The following ZNF724 variants were observed in gnomAD, a reference collection of about 807,000 sequenced individuals.
The protein encoded by ZNF724 is zinc finger protein 724 pseudogene.
In ZNF724, 14 loss-of-function variants were observed where a neutral mutation model predicts 29.3. The observed-to-expected ratio is 0.48, with a 90% CI of 0.32 to 0.75. The LOEUF is 0.75. ZNF724 is among the 30% of genes least tolerant of loss of function. The pLI is 0.04. For synonymous variants in ZNF724, 180 were observed against 193.6 expected, an observed-to-expected ratio of 0.93 and a Z score of 0.58; for missense variants, 557 against 571.2, an observed-to-expected ratio of 0.98 and a Z score of 0.25.
chr19:23,238,547 G>T (rs778250006), intron 1 of ZNF724, among the ~76,000 whole-genome samples: 4 of 152,126 alleles, frequency 2.6e-5, no homozygotes, highest in African/African-American at 7.2e-5. Context: ...AAAGAGAGAT[G>T]AACAAAATAT....
At chr19:23,244,073 AAAATT>A (rs1972191014) in intron 1 of ZNF724, among the ~76,000 whole-genome samples, 1 of 151,616 alleles carries the variant, frequency 6.6e-6, no homozygotes, top group Admixed American at 6.6e-5. Flanking sequence ...CCTCTGAACT[AAAATT>A]AAAAGTTGAA....
intron 1 of ZNF724, among the ~76,000 whole-genome samples, chr19:23,238,224 A>T (rs553605322): frequency 6.6e-6 from 1 of 152,180 alleles, no homozygotes; most frequent in South Asian, 2.1e-4. Flanking sequence ...AATTAGCCGC[A>T]TGTGGTGGTG....
intron 1 of ZNF724, among the ~76,000 whole-genome samples, chr19:23,238,632 C>T (rs1016403099): frequency 2.0e-5 from 3 of 152,036 alleles, no homozygotes; most frequent in Admixed American, 6.6e-5. Flanking sequence ...AGCCAAATCT[C>T]GACCAGGCAT....
chr19:23,226,351 C>T (rs1420136968), intron 3 of ZNF724, among the ~76,000 whole-genome samples: 5 of 151,616 alleles, frequency 3.3e-5, no homozygotes, highest in African/African-American at 7.3e-5. Flanking sequence ...ACGCCCAGCC[C>T]GAGAGAGGGT....
At chr19:23,231,071 C>CG (rs1294170966) in intron 3 of ZNF724, 195 bp downstream of exon 3, 1 of 342,410 alleles carries the variant, frequency 2.9e-6, no homozygotes, top group Non-Finnish European at 5.3e-6. Flanking sequence ...TTAGTAAAGA[C>CG]GGGGTTTCTC....
chr19:23,227,342 G>A (rs182485027), intron 3 of ZNF724, among the ~76,000 whole-genome samples: 28 of 151,836 alleles, frequency 1.8e-4, no homozygotes, highest in African/African-American at 6.5e-4. Flanking sequence ...ATCACTTGAG[G>A]TCAGGAGTTC....
chr19:23,242,979 C>T (rs957894262), intron 1 of ZNF724, among the ~76,000 whole-genome samples: 8 of 136,838 alleles, frequency 5.8e-5, no homozygotes, highest in African/African-American at 2.2e-4. Flanking sequence ...GCGGAAGTTG[C>T]AGTGAGCCAA....
At chr19:23,230,023 AATTAATATACTCAGTAAATTAGCAAAAT>A (rs1451477753) in intron 3 of ZNF724, among the ~76,000 whole-genome samples, 2 of 152,218 alleles carry the variant, frequency 1.3e-5, no homozygotes, top group Non-Finnish European at 2.9e-5. Flanking sequence ...GGTCTAAACT[AATTAATATACTCAGTAAATTAGCAAAAT>A]ATAAAATTAA....
rs553816851 is a variant in ZNF724 at position 23,229,358 on chromosome 19, T to C, written c.226+1908A>G. On this transcript the variant is annotated intron_variant, in intron 3 of 3. Coordinates refer to ENST00000418100, the MANE Select transcript of ZNF724 (RefSeq NM_001355404.2). The stretch of plus-strand genomic sequence containing the variant: ...GGAGGAAGACACCCATTTATAGCCA[T>C]GCAGGCAGGTTTGCAAGACCTTAGC... Among the ~76,000 whole-genome samples, 149 of 152,302 alleles carry C rather than the reference T, an allele frequency of 9.8e-4. No individual in the cohort carries two copies. The Middle Eastern group carries it at 0.014, about 14-fold the overall frequency.
chr19:23,230,572 G>C (rs1460174622), intron 3 of ZNF724, among the ~76,000 whole-genome samples: 5 of 152,060 alleles, frequency 3.3e-5, no homozygotes. Context: ...ACATATTTCA[G>C]ACATGATGTA....
rs1599643192 is a variant in ZNF724, at chr19:23,236,171, A to C, written c.4-3878T>G. The C allele has an allele frequency of 2.0e-5, 3 of 152,302 alleles. No homozygotes were observed. The South Asian group carries it at 6.2e-4, about 32-fold the overall frequency. 9.4% of individuals were successfully genotyped at this position (152,302 alleles called of 1,614,324 possible). On this transcript the variant is annotated intron_variant, in intron 1 of 3. Transcript: ENST00000418100. ...GCAATCAATGGCTCTGTACTCCCTG[A>C]GCACTATACTCTGCTTGCCCTTTCC... is the stretch of plus-strand genomic sequence containing the variant.
intron 3 of ZNF724, 85 bp from the exon 4 acceptor site, chr19:23,224,103 A>C: frequency 1.8e-6 from 1 of 570,150 alleles, no homozygotes; most frequent in Non-Finnish European, 3.1e-6. Context: ...AAACTATACA[A>C]ACTACATAAA....
chr19:23,222,887 T>C lies in ZNF724; in HGVS notation c.1358A>G (p.Lys453Arg). 7.1e-7 allele frequency: 1 copy of C among 1,405,462 alleles called. No individual in the cohort carries two copies. The allele number at this position is 1,405,462 out of a possible 1,614,324, so 87.1% of individuals were successfully genotyped here. The change falls in exon 4 of 4, where the codon AAA becomes AGA. Residue 453 changes from lysine to arginine, a missense_variant. By Grantham distance (26) the Lys-to-Arg change is conservative. This residue lies in a region of ZNF724 where 170 missense variants were observed against 220.7 expected (regional missense o/e 0.77). Coordinates refer to ENST00000418100, the MANE Select transcript of ZNF724 (RefSeq NM_001355404.2). Reference protein sequence around the residue: ...IHTGEKPYKCKECGKAFKRSS... With the variant: ...IHTGEKPYKCRECGKAFKRSS... The stretch of plus-strand genomic sequence containing the variant: ...CCGCTTAAAAGCTTTGCCACATTCT[T>C]TACATTTGTAGGGTTTCTCTCCAGT...
intron 3 of ZNF724, 149 bp from the exon 4 acceptor site, chr19:23,224,167 G>C (rs761665877): frequency 4.6e-5 from 23 of 501,472 alleles, no homozygotes; most frequent in Non-Finnish European, 7.3e-5. Flanking sequence ...CTCCCAGCAC[G>C]TTGAAAGGCT....
At chr19:23,239,539 C>T (rs780407709) in intron 1 of ZNF724, among the ~76,000 whole-genome samples, 47 of 152,178 alleles carry the variant, frequency 3.1e-4, no homozygotes, top group Admixed American at 8.5e-4. Context: ...AACAAAGATA[C>T]ACAAACCAGA....
chr19:23,238,768 C>T (rs1202253867), intron 1 of ZNF724, among the ~76,000 whole-genome samples: 1 of 152,018 alleles, frequency 6.6e-6, no homozygotes, highest in Non-Finnish European at 1.5e-5. Flanking sequence ...ATTAGCCGGG[C>T]GTGGTGGCAT....
intron 1 of ZNF724, among the ~76,000 whole-genome samples, chr19:23,238,139 G>A (rs1363837823): frequency 6.6e-6 from 1 of 151,792 alleles, no homozygotes; most frequent in Admixed American, 6.6e-5. Flanking sequence ...GCCGAGGTGG[G>A]CGGATCACGA....
intron 3 of ZNF724, among the ~76,000 whole-genome samples, chr19:23,229,623 C>T (rs1971900186): frequency 6.6e-6 from 1 of 152,206 alleles, no homozygotes; most frequent in South Asian, 2.1e-4. Context: ...ATGCAAATTA[C>T]AACTACACAA....
In ZNF724 at chr19:23,226,728, T is replaced by C. The variant is rs142945560; in HGVS notation, c.227-2710A>G. On this transcript the variant is annotated intron_variant, in intron 3 of 3. Coordinates refer to ENST00000418100, the MANE Select transcript of ZNF724 (RefSeq NM_001355404.2). ...ACCACTGAAAACAGCTAAGAAAAAA[T>C]ATATACAAGATAGGCCATAACCATA... Among the ~76,000 whole-genome samples the C allele has an allele frequency of 2.7e-3, 411 of 151,970 alleles. 2 individuals carry two copies. The highest frequency in any genetic ancestry group is 4.8e-3 in the Non-Finnish European group (328 of 67,946).
Sources: gnomAD v4.1 joint callset for allele counts (sites outside exome capture counted in the v4.1 genomes callset) on GRCh38, gnomAD v4.1.1 for gene constraint, gnomAD v4.1.1 regional missense constraint, MANE v1.5 for transcripts, NCBI Gene and HGNC (gene_info 2026-07-23, HGNC 2026-07-21) for gene names.